Variants in DRC9 observed in about 807,000 individuals in gnomAD.
DRC9 encodes the protein dynein regulatory complex protein 9.
the DRC9 span, among the ~76,000 whole-genome samples, chr3:197,912,320 G>A: frequency 3.9e-5 from 6 of 152,164 alleles, no homozygotes; most frequent in South Asian, 4.1e-4. Context: ...GATGACAGGC[G>A]TGAGCCACTG....
At chr3:197,955,578 GA>G in the DRC9 span, among the ~76,000 whole-genome samples, 1 of 152,168 alleles carries the variant, frequency 6.6e-6, no homozygotes, top group East Asian at 1.9e-4. Flanking sequence ...TGTTTTTTAT[GA>G]GTGCCGGTTC....
At chr3:197,956,830 TG>T in the DRC9 span, 1 of 152,186 alleles carries the variant, frequency 6.6e-6, no homozygotes, top group Non-Finnish European at 1.5e-5. Flanking sequence ...GGCCTCACTA[TG>T]TTGCCCAGGT....
the DRC9 span, among the ~76,000 whole-genome samples, chr3:197,909,592 C>A: frequency 1.3e-5 from 2 of 148,626 alleles, no homozygotes; most frequent in South Asian, 4.1e-4. Flanking sequence ...GAGATATATT[C>A]TATCAATCAG....
the DRC9 span, among the ~76,000 whole-genome samples, chr3:197,900,776 C>A: frequency 6.6e-6 from 1 of 152,244 alleles, no homozygotes; most frequent in East Asian, 1.9e-4. The surrounding 1 kb of genome is among the most constrained non-coding windows in gnomAD (Gnocchi z 4.7). Flanking sequence ...GGGCTCTGGG[C>A]AGAGTCATGA....
At chr3:197,927,016 G>A in the DRC9 span, among the ~76,000 whole-genome samples, 1 of 152,104 alleles carries the variant, frequency 6.6e-6, no homozygotes, top group Non-Finnish European at 1.5e-5. Context: ...TCGGACACCG[G>A]AGCCTGTGAA....
chr3:197,943,136 G>A, the DRC9 span, among the ~76,000 whole-genome samples: 1 of 152,130 alleles, frequency 6.6e-6, no homozygotes, highest in Non-Finnish European at 1.5e-5. Flanking sequence ...AGATTAAAGC[G>A]TTAAGAGTGG....
the DRC9 span, chr3:197,892,907 T>TA: frequency 1.0e-6 from 1 of 996,868 alleles, no homozygotes; most frequent in Non-Finnish European, 1.5e-6. Context: ...GGTGGAGAGT[T>TA]GGATTTCTGA....
chr3:197,960,142 C>T, the DRC9 span: 1 of 1,281,338 alleles, frequency 7.8e-7, no homozygotes, highest in Non-Finnish European at 1.1e-6. Context: ...CGGAAAGCGC[C>T]TTTCCGCCGG....
the DRC9 span, among the ~76,000 whole-genome samples, chr3:197,917,956 A>G: frequency 1.3e-5 from 2 of 151,964 alleles, no homozygotes; most frequent in Non-Finnish European, 2.9e-5. Context: ...GCTGGTCTCC[A>G]GCTCCTGACC....
the DRC9 span, chr3:197,957,261 G>A: frequency 6.6e-6 from 1 of 152,142 alleles, no homozygotes; most frequent in Non-Finnish European, 1.5e-5. Context: ...TACAAAGAGG[G>A]TAGTGAGATA....
chr3:197,949,167 G>A, the DRC9 span, among the ~76,000 whole-genome samples: 2 of 152,162 alleles, frequency 1.3e-5, no homozygotes, highest in South Asian at 2.1e-4. Context: ...GCTCCGCCTC[G>A]TAGGATATAA....
the DRC9 span, among the ~76,000 whole-genome samples, chr3:197,930,280 C>CGG: frequency 6.6e-6 from 1 of 151,886 alleles, no homozygotes; most frequent in Non-Finnish European, 1.5e-5. Context: ...CCCAGGAAGT[C>CGG]GAGGCTGCCA....
chr3:197,955,662 TTTCAGAGATTTA>T, the DRC9 span: 1 of 1,174,794 alleles, frequency 8.5e-7, no homozygotes, highest in Non-Finnish European at 1.3e-6. Context: ...ATTGGTAGCC[TTTCAGAGATTTA>T]TCCGTATTAC....
chr3:197,942,432 T>C, the DRC9 span, among the ~76,000 whole-genome samples: 10 of 132,346 alleles, frequency 7.6e-5, no homozygotes, highest in Non-Finnish European at 8.1e-5. Context: ...AGGCTGTATA[T>C]ATAACAATAA....
chr3:197,945,678 T>C, the DRC9 span: 3 of 1,387,778 alleles, frequency 2.2e-6, no homozygotes, highest in South Asian at 3.8e-5. Flanking sequence ...CTCACAAAAG[T>C]GCAGTTACCT....
the DRC9 span, chr3:197,953,531 GAC>G: frequency 1.1e-5 from 5 of 457,180 alleles, no homozygotes; most frequent in South Asian, 1.5e-5. Context: ...TTCCGGCCAG[GAC>G]ACACACTCCT....
chr3:197,937,684 T>C, the DRC9 span, among the ~76,000 whole-genome samples: 1 of 152,060 alleles, frequency 6.6e-6, no homozygotes, highest in Admixed American at 6.6e-5. Flanking sequence ...TTCACTTTAT[T>C]GGCCAGGCTG....
At chr3:197,901,600 A>G in the DRC9 span, among the ~76,000 whole-genome samples, 1 of 152,244 alleles carries the variant, frequency 6.6e-6, no homozygotes, top group Non-Finnish European at 1.5e-5. The surrounding 1 kb of genome is among the most constrained non-coding windows in gnomAD (Gnocchi z 4.4). Flanking sequence ...GGCACTCTCC[A>G]TGGGCCTGTG....
the DRC9 span, chr3:197,955,619 CTA>C: frequency 6.2e-6 from 5 of 808,382 alleles, no homozygotes; most frequent in East Asian, 1.2e-4. Flanking sequence ...AGACTGAAGG[CTA>C]TAAAAACTTT....
Sources: gnomAD v4.1 joint callset for allele counts (sites outside exome capture counted in the v4.1 genomes callset) on GRCh38, gnomAD v4.1.1 for gene constraint, Gnocchi (gnomAD v3.1) non-coding constraint, MANE v1.5 for transcripts, NCBI Gene and HGNC (gene_info 2026-07-23, HGNC 2026-07-21) for gene names.